The following MSR1 variants were observed in gnomAD, a reference collection of about 807,000 sequenced individuals.
MSR1 encodes macrophage scavenger receptor 1, also known as macrophage scavenger receptor types I and II.
Under a neutral mutation model 47.2 loss-of-function variants are expected in MSR1, and 53 were observed. The observed-to-expected ratio is 1.12, with a 90% CI of 0.90 to 1.41. MSR1 has a LOEUF of 1.41. Among genes scored for constraint, MSR1 ranks in the 40% most tolerant of loss-of-function variants. MSR1 has a pLI of 0.00. For missense variants in MSR1, 786 were observed against 546.9 expected (o/e 1.44, Z -4.36); for synonymous variants, 239 against 185.6 (o/e 1.29, Z -2.34).
At chr8:16,185,145 T>C (rs1359320862) in intron 1 of MSR1, among the ~76,000 whole-genome samples, 1 of 46,908 alleles carries the variant, frequency 2.1e-5, no homozygotes, top group Non-Finnish European at 4.4e-5. Context: ...TGTTGGTATG[T>C]ATATTTTCCA....
intron 9 of MSR1, among the ~76,000 whole-genome samples, chr8:16,112,453 T>C (rs1012059366): frequency 1.3e-5 from 2 of 152,124 alleles, no homozygotes; most frequent in Non-Finnish European, 2.9e-5. Flanking sequence ...CATAGATGTC[T>C]AGATAGAATT....
chr8:16,165,338 C>G (rs759333146), intron 4 of MSR1, among the ~76,000 whole-genome samples: 1 of 152,052 alleles, frequency 6.6e-6, no homozygotes, highest in South Asian at 2.1e-4. Context: ...CATAGCAAAT[C>G]ATTATTACTT....
chr8:16,110,427 C>G (rs1799731535), intron 9 of MSR1, among the ~76,000 whole-genome samples: 1 of 151,994 alleles, frequency 6.6e-6, no homozygotes. Flanking sequence ...TACTAAAATG[C>G]AAAGTAAGAA....
At chr8:16,150,409 T>G (rs1171014140) in intron 6 of MSR1, 98 bp from the exon 7 acceptor site, 1 of 507,134 alleles carries the variant, frequency 2.0e-6, no homozygotes, top group Non-Finnish European at 3.3e-6. Context: ...GAATATGAAA[T>G]TAGAGAATCT....
chr8:16,161,942 C>A (rs550425319), intron 5 of MSR1, among the ~76,000 whole-genome samples: 11 of 151,808 alleles, frequency 7.2e-5, no homozygotes, highest in Non-Finnish European at 1.5e-4. Context: ...TAGAGCTTAA[C>A]AGACATGGAA....
At chr8:16,120,685 T>A in intron 8 of MSR1, 79 bp from the exon 9 acceptor site, 3 of 1,468,212 alleles carry the variant, frequency 2.0e-6, no homozygotes, top group Non-Finnish European at 2.7e-6. Flanking sequence ...TACAGCACTT[T>A]TTTTTTAAAC....
At chr8:16,123,985 C>T (rs1800070206) in intron 8 of MSR1, among the ~76,000 whole-genome samples, 1 of 152,128 alleles carries the variant, frequency 6.6e-6, no homozygotes, top group African/African-American at 2.4e-5. Flanking sequence ...CTGTTAACAG[C>T]TCCTAAGTTT....
intron 1 of MSR1, among the ~76,000 whole-genome samples, chr8:16,180,936 C>A (rs1049082395): frequency 2.0e-5 from 3 of 151,998 alleles, no homozygotes; most frequent in African/African-American, 7.3e-5. Context: ...AGGCATAGAA[C>A]CCAAATCTTC....
At position 16,124,508 on chromosome 8, in the gene MSR1, T is replaced by A. The variant is rs1289486668; in HGVS notation, c.1034-3902A>T. Reference sequence around the variant, plus strand: ...GAGAAATTCTCCCCACCTGCACTGCTTTGTCTTTTTACTTTATATATAACT... The same window carrying A: ...GAGAAATTCTCCCCACCTGCACTGCATTGTCTTTTTACTTTATATATAACT... On this transcript the variant is annotated intron_variant, in intron 8 of 9. Coordinates refer to ENST00000262101, the MANE Select transcript of MSR1 (RefSeq NM_138715.3). Among the ~76,000 whole-genome samples, 3 of 152,152 alleles carry A rather than the reference T, an allele frequency of 2.0e-5. No homozygotes were observed. In the East Asian group the frequency reaches 5.8e-4, roughly 29 times the overall value.
Position 16,129,571 on chromosome 8 carries a change from C to G in MSR1, c.1034-8965G>C, listed in dbSNP as rs1356513792. Reference sequence around the variant, plus strand: ...GACCAGCCTGGGCAAGACAGCAAAACCCCGTTCCCTACAAAAAATTTTAAA... The same window carrying G: ...GACCAGCCTGGGCAAGACAGCAAAAGCCCGTTCCCTACAAAAAATTTTAAA... On this transcript the variant is annotated intron_variant, in intron 8 of 9. Transcript: ENST00000262101. 1.3e-5 allele frequency among the ~76,000 whole-genome samples: 2 copies of G among 151,996 alleles called. 1 individual carries two copies. The highest frequency in any genetic ancestry group is 2.9e-5 in the Non-Finnish European group (2 of 67,968).
chr8:16,164,116 G>C lies in MSR1; in HGVS notation c.766C>G (p.Leu256Val). 6.2e-7 allele frequency: 1 copy of C among 1,611,558 alleles called. No individual in the cohort carries two copies. Among genetic ancestry groups the C allele is most frequent in the Non-Finnish European group, 8.5e-7 (1 of 1,178,424 alleles). ...GTCTGAGAATGTTCCCAATCTTTCA[G>C]TCTGAGATCATTAGTGATGTTATTC... ...VLNNITNDLRLKDWEHSQTLR... is the reference protein window; with the variant it reads ...VLNNITNDLRVKDWEHSQTLR... The change falls in exon 5 of 10, where the codon CTG (leucine) becomes GTG (valine). Residue 256 changes from leucine to valine, a missense_variant. Coordinates refer to ENST00000262101, the MANE Select transcript of MSR1 (RefSeq NM_138715.3).
chr8:16,165,107 T>C (rs1801267159), intron 4 of MSR1, among the ~76,000 whole-genome samples: 1 of 152,108 alleles, frequency 6.6e-6, no homozygotes, highest in African/African-American at 2.4e-5. Flanking sequence ...ATTTTAAATA[T>C]ATTTGTATAT....
rs142902703 is a variant in MSR1 at position 16,129,575 on chromosome 8, G to A, written c.1034-8969C>T. On this transcript the variant is annotated intron_variant, in intron 8 of 9. Transcript: ENST00000262101. ...AGCCTGGGCAAGACAGCAAAACCCC[G>A]TTCCCTACAAAAAATTTTAAAAAAC... Among the ~76,000 whole-genome samples the A allele has an allele frequency of 1.8e-3, 277 of 152,048 alleles. 2 individuals are homozygous for A. The highest frequency in any genetic ancestry group is 6.6e-3 in the South Asian group (32 of 4,816).
intron 1 of MSR1, among the ~76,000 whole-genome samples, chr8:16,182,481 C>A (rs1009057459): frequency 6.6e-6 from 1 of 152,030 alleles, no homozygotes; most frequent in African/African-American, 2.4e-5. Flanking sequence ...TATAATAACA[C>A]CTGGCTTAAA....
intron 8 of MSR1, among the ~76,000 whole-genome samples, chr8:16,121,807 G>C (rs1345081088): frequency 6.6e-6 from 1 of 151,576 alleles, no homozygotes; most frequent in Non-Finnish European, 1.5e-5. Flanking sequence ...TTAAGGAATG[G>C]GTTTTTGGAG....
intron 1 of MSR1, among the ~76,000 whole-genome samples, chr8:16,180,223 G>T (rs1407678298): frequency 6.6e-6 from 1 of 151,024 alleles, no homozygotes; most frequent in African/African-American, 2.4e-5. Flanking sequence ...TTTTACATTG[G>T]CAGCCATATA....
intron 8 of MSR1, chr8:16,121,144 A>C (rs1193343446): frequency 4.6e-6 from 2 of 436,486 alleles, no homozygotes; most frequent in Non-Finnish European, 9.1e-6. Context: ...TCATTTAGAA[A>C]TAGCAAAGAC....
chr8:16,190,328 G>C (rs1802162097), intron 1 of MSR1, among the ~76,000 whole-genome samples: 1 of 152,080 alleles, frequency 6.6e-6, no homozygotes, highest in South Asian at 2.1e-4. Flanking sequence ...TCTTTAAAAA[G>C]ATAACATAAA....
At chr8:16,187,364 C>CAAAAAAAAAAAAAAA (rs751848634) in intron 1 of MSR1, among the ~76,000 whole-genome samples, 9 of 35,414 alleles carry the variant, frequency 2.5e-4, no homozygotes, top group Admixed American at 4.2e-4. Context: ...ACTCTGTCTC[C>CAAAAAAAAAAAAAAA]AAAAAAAAAA....
Sources: allele counts gnomAD v4.1 joint callset (sites outside exome capture counted in the v4.1 genomes callset), GRCh38; gene constraint gnomAD v4.1.1; transcripts MANE v1.5; gene names NCBI Gene and HGNC (gene_info 2026-07-23, HGNC 2026-07-21).